Variants in RAD51B observed in about 807,000 individuals in gnomAD.
The protein encoded by RAD51B is RAD51 paralog B.
In RAD51B, 38 loss-of-function variants were observed where a neutral mutation model predicts 42.2. The observed-to-expected ratio is 0.90, with a 90% CI of 0.70 to 1.18. The LOEUF (loss-of-function observed/expected upper bound fraction) is 1.18. Ranked by LOEUF, RAD51B falls within the 50% of genes most tolerant of loss-of-function variation. The probability of loss-of-function intolerance (pLI) is 0.00; values close to 1 mark genes in which losing one functional copy is unlikely to be tolerated. For synonymous variants in RAD51B, 154 were observed against 145.2 expected (o/e 1.06, Z -0.43); for missense variants, 373 against 400.7 (o/e 0.93, Z 0.59).
chr14:68,555,982 T>C (rs573575309), intron 10 of RAD51B, among the ~76,000 whole-genome samples: 1 of 152,302 alleles, frequency 6.6e-6, no homozygotes, highest in African/African-American at 2.4e-5. Context: ...ATTCTAAAGG[T>C]GGATGTGCTG....
intron 5 of RAD51B, 102 bp downstream of exon 5, chr14:67,865,241 CTTTTTT>C: frequency 1.1e-6 from 1 of 879,934 alleles, no homozygotes; most frequent in East Asian, 3.8e-5. Context: ...TCCCCCTTGC[CTTTTTT>C]TTTTTTTTGA....
chr14:68,242,956 T>C (rs1309058082), intron 7 of RAD51B, among the ~76,000 whole-genome samples: 1 of 152,172 alleles, frequency 6.6e-6, no homozygotes, highest in African/African-American at 2.4e-5. Context: ...TGCTAGAGGC[T>C]GTCTGCTGAT....
intron 7 of RAD51B, among the ~76,000 whole-genome samples, chr14:68,039,474 A>G (rs1361017145): frequency 1.3e-5 from 2 of 152,006 alleles, no homozygotes; most frequent in Admixed American, 6.5e-5. Context: ...TAACCATTAT[A>G]CTATGAATAG....
chr14:68,312,410 C>T (rs2081982105), intron 8 of RAD51B, among the ~76,000 whole-genome samples: 1 of 152,210 alleles, frequency 6.6e-6, no homozygotes, highest in Non-Finnish European at 1.5e-5. Flanking sequence ...GTTTACTCAT[C>T]CAGTTATTAA....
chr14:68,255,455 T>C (rs1296306383), intron 7 of RAD51B, among the ~76,000 whole-genome samples: 3 of 152,208 alleles, frequency 2.0e-5, no homozygotes, highest in African/African-American at 7.2e-5. Context: ...TTTCATACCT[T>C]AGTTACCTAA....
rs1427460363 is a variant in RAD51B at position 68,642,214 on chromosome 14, C to G, written c.1037-8567C>G. Among the ~76,000 whole-genome samples, 8 of 152,246 alleles carry G rather than the reference C, an allele frequency of 5.3e-5. No homozygotes were observed. The East Asian group carries it at 1.4e-3, about 26-fold the overall frequency. Reference sequence around the variant, plus strand: ...TCCTTAAATATTTAATAAAACTCACCAATGAGCCCATCTGGGCCTGGTGCT... The same window carrying G: ...TCCTTAAATATTTAATAAAACTCACGAATGAGCCCATCTGGGCCTGGTGCT... On this transcript the variant is annotated intron_variant, in intron 10 of 11. Coordinates refer to the RAD51B transcript ENST00000488612.
intron 10 of RAD51B, among the ~76,000 whole-genome samples, chr14:68,516,881 A>G (rs919111244): frequency 2.6e-5 from 4 of 152,226 alleles, no homozygotes; most frequent in African/African-American, 9.6e-5. Flanking sequence ...AGTGTTGGGA[A>G]GGTGTTAAGT....
chr14:67,986,515 C>T (rs1305700240), intron 7 of RAD51B, among the ~76,000 whole-genome samples: 1 of 152,088 alleles, frequency 6.6e-6, no homozygotes, highest in African/African-American at 2.4e-5. Flanking sequence ...TAACGTTTGA[C>T]CTTTTTTCCA....
At chr14:68,649,676 A>C (rs925577939) in intron 10 of RAD51B, among the ~76,000 whole-genome samples, 2 of 152,248 alleles carry the variant, frequency 1.3e-5, no homozygotes, top group East Asian at 1.9e-4. Context: ...TCAAGTGCCC[A>C]CCCTTGGTCC....
intron 7 of RAD51B, among the ~76,000 whole-genome samples, chr14:68,206,072 A>G (rs888981078): frequency 1.3e-5 from 2 of 152,240 alleles, no homozygotes; most frequent in Non-Finnish European, 2.9e-5. Context: ...TTAATCTGGA[A>G]CATGTCTACA....
intron 9 of RAD51B, among the ~76,000 whole-genome samples, chr14:68,463,633 G>T (rs1463144838): frequency 1.3e-5 from 2 of 151,910 alleles, no homozygotes; most frequent in Admixed American, 6.6e-5. Flanking sequence ...AAAGCAATAT[G>T]CATCTTCACA....
chr14:68,206,022 T>C (rs1011698241), intron 7 of RAD51B, among the ~76,000 whole-genome samples: 1 of 152,216 alleles, frequency 6.6e-6, no homozygotes, highest in Non-Finnish European at 1.5e-5. Context: ...CAGCATAGGA[T>C]TAGGTATTGC....
intron 8 of RAD51B, among the ~76,000 whole-genome samples, chr14:68,365,549 G>A (rs2083125171): frequency 6.6e-6 from 1 of 152,202 alleles, no homozygotes; most frequent in East Asian, 1.9e-4. Context: ...ACCACATGAG[G>A]AATTAATTTC....
chr14:67,993,988 T>C (rs2075340893), intron 7 of RAD51B, among the ~76,000 whole-genome samples: 1 of 152,188 alleles, frequency 6.6e-6, no homozygotes, highest in African/African-American at 2.4e-5. Flanking sequence ...ATAACAGCTG[T>C]ATTATAACTA....
At chr14:67,919,659 T>A (rs1566958117) in intron 7 of RAD51B, among the ~76,000 whole-genome samples, 1 of 152,230 alleles carries the variant, frequency 6.6e-6, no homozygotes, top group African/African-American at 2.4e-5. Flanking sequence ...TACTTTTCAC[T>A]GAGGGCTTTT....
At chr14:68,201,489 G>T (rs750695046) in intron 7 of RAD51B, among the ~76,000 whole-genome samples, 3 of 152,316 alleles carry the variant, frequency 2.0e-5, no homozygotes, top group Non-Finnish European at 4.4e-5. Flanking sequence ...ACAGGGACAG[G>T]TCTGGTATCA....
intron 7 of RAD51B, among the ~76,000 whole-genome samples, chr14:68,202,154 A>T (rs921300520): frequency 6.6e-6 from 1 of 152,206 alleles, no homozygotes; most frequent in African/African-American, 2.4e-5. Context: ...AAAATAATTT[A>T]TTGCTAAAAA....
intron 7 of RAD51B, among the ~76,000 whole-genome samples, chr14:68,072,311 A>G (rs376113469): frequency 1.8e-4 from 27 of 150,572 alleles, no homozygotes; most frequent in Non-Finnish European, 2.7e-4. Context: ...TTTATTAAGT[A>G]TTAACTTACA....
chr14:68,362,369 TATTA>T (rs1192170043), intron 8 of RAD51B, among the ~76,000 whole-genome samples: 2 of 152,238 alleles, frequency 1.3e-5, no homozygotes, highest in Non-Finnish European at 1.5e-5. Flanking sequence ...ATTTTTCATA[TATTA>T]ATTCATTATT....
Sources: allele counts gnomAD v4.1 joint callset (sites outside exome capture counted in the v4.1 genomes callset), GRCh38; gene constraint gnomAD v4.1.1; transcripts MANE v1.5; gene names NCBI Gene and HGNC (gene_info 2026-07-23, HGNC 2026-07-21).